EXOC5: variants seen among roughly 807,000 people sequenced by gnomAD.
The protein encoded by EXOC5 is exocyst complex component 5.
EXOC5 carries 17 observed loss-of-function variants against 90.8 expected under a neutral mutation model. The observed-to-expected ratio is 0.19, with a 90% CI of 0.13 to 0.28. The LOEUF (loss-of-function observed/expected upper bound fraction) is 0.28. EXOC5 is among the 10% of genes least tolerant of loss of function. EXOC5 has a pLI of 1.00. For synonymous variants in EXOC5, 260 were observed against 270.0 expected (o/e 0.96, Z 0.36); for missense variants, 569 against 830.6 (o/e 0.69, Z 3.87).
At chr14:57,211,361 T>C (rs1383266415) in intron 15 of EXOC5, among the ~76,000 whole-genome samples, 1 of 152,180 alleles carries the variant, frequency 6.6e-6, no homozygotes, top group East Asian at 1.9e-4. Flanking sequence ...ACTCTAAATG[T>C]ATTATTTTTT....
At chr14:57,211,250 A>AC in intron 15 of EXOC5, among the ~76,000 whole-genome samples, 1 of 152,180 alleles carries the variant, frequency 6.6e-6, no homozygotes, top group East Asian at 1.9e-4. Flanking sequence ...TTGATTTGGA[A>AC]CCATTTTGGC....
intron 1 of EXOC5, among the ~76,000 whole-genome samples, chr14:57,251,237 G>T (rs1041062610): frequency 6.6e-6 from 1 of 152,234 alleles, no homozygotes; most frequent in African/African-American, 2.4e-5. Context: ...AAAATTCCTG[G>T]AACAACCTGC....
chr14:57,238,412 ATT>A (rs1397761273), intron 5 of EXOC5, among the ~76,000 whole-genome samples: 12 of 140,834 alleles, frequency 8.5e-5, no homozygotes, highest in African/African-American at 1.9e-4. Context: ...ACACACACAT[ATT>A]CATATTCATA....
At chr14:57,231,906 G>C (rs577240649) in intron 10 of EXOC5, 191 bp from the exon 11 acceptor site, 5 of 482,936 alleles carry the variant, frequency 1.0e-5, no homozygotes, top group African/African-American at 2.0e-5. Flanking sequence ...GAAATATTAC[G>C]AACAACTTTA....
At chr14:57,211,951 C>A (rs1013058299) in intron 15 of EXOC5, among the ~76,000 whole-genome samples, 12 of 152,188 alleles carry the variant, frequency 7.9e-5, no homozygotes, top group Non-Finnish European at 1.5e-5. Context: ...CCTGGACCTA[C>A]CAGGCTCAAG....
intron 1 of EXOC5, among the ~76,000 whole-genome samples, chr14:57,259,929 G>C (rs1884451257): frequency 1.3e-5 from 2 of 152,098 alleles, no homozygotes; most frequent in South Asian, 4.1e-4. Context: ...CCCCTGCAGA[G>C]GGTCTTGAAA....
chr14:57,237,378 A>G lies in EXOC5; in HGVS notation c.531-12T>C. 1 of 1,521,574 alleles carries G rather than the reference A, an allele frequency of 6.6e-7. No homozygotes were observed. The highest frequency in any genetic ancestry group is 8.9e-7 in the Non-Finnish European group (1 of 1,120,504). 94.3% of individuals were successfully genotyped at this position (1,521,574 alleles called of 1,614,324 possible). ...TAACTTCTGAAAATCTGAAAGACAA[A>G]AACCAACCATGAGGTTTGTTAGTTG... On this transcript the variant is annotated splice_polypyrimidine_tract_variant and intron_variant, in intron 5 of 17. Coordinates refer to ENST00000621441, the MANE Select transcript of EXOC5 (RefSeq NM_006544.4).
intron 1 of EXOC5, among the ~76,000 whole-genome samples, chr14:57,258,393 T>C (rs764767040): frequency 4.3e-4 from 66 of 152,322 alleles, no homozygotes; most frequent in Middle Eastern, 3.4e-3. Context: ...TCATATCCAC[T>C]GCAGGGACAT....
chr14:57,265,519 T>G (rs776622435), intron 1 of EXOC5, among the ~76,000 whole-genome samples: 20 of 152,006 alleles, frequency 1.3e-4, no homozygotes, highest in Non-Finnish European at 2.8e-4. Flanking sequence ...GCCCAGGAGA[T>G]CAAGACCAGC....
chr14:57,261,274 A>T (rs1262548541), intron 1 of EXOC5, among the ~76,000 whole-genome samples: 1 of 152,184 alleles, frequency 6.6e-6, no homozygotes, highest in Admixed American at 6.5e-5. Context: ...AATCTCTCTC[A>T]CACATGTGGG....
rs1882733017 is a variant in EXOC5 at position 57,208,669 on chromosome 14, G to C, written c.2067C>G (p.His689Gln). Residue 689 changes from histidine to glutamine, a missense_variant, in exon 18 of 18, where the codon CAC (histidine) becomes CAG (glutamine). Transcript: ENST00000621441. ...AATCAGCACGAAGTTGTACGAAGGA[G>C]TGAAGTATATTCTTGTCCAGATTAG... Reference protein sequence around the residue: ...QLANLDKNILHSFVQLRADYR... With the variant: ...QLANLDKNILQSFVQLRADYR... 1.2e-6 allele frequency: 2 copies of C among 1,612,046 alleles called. No homozygotes were observed. Among genetic ancestry groups the C allele is most frequent in the Non-Finnish European group, 1.7e-6 (2 of 1,179,220 alleles).
In EXOC5 at chr14:57,233,949, G is replaced by A. The variant is rs546847904; in HGVS notation, c.714+39C>T. The A allele has an allele frequency of 1.5e-5, 24 of 1,588,882 alleles. No homozygotes were observed. In the South Asian group the frequency reaches 1.8e-4, roughly 12 times the overall value. ...CTACATGATTTTAAAACAACAATTA[G>A]CATAAAATAATATCCAACAAAGTGT... On this transcript the variant is annotated intron_variant, in intron 8 of 17. Transcript: ENST00000621441.
intron 17 of EXOC5, 49 bp downstream of exon 17, chr14:57,209,518 T>C (rs755632298): frequency 2.0e-6 from 2 of 1,008,422 alleles, no homozygotes; most frequent in East Asian, 2.4e-5. Flanking sequence ...ATAATCTGAC[T>C]TATGCTCCTG....
intron 4 of EXOC5, among the ~76,000 whole-genome samples, chr14:57,241,761 C>T (rs1046291760): frequency 6.6e-6 from 1 of 151,968 alleles, no homozygotes; most frequent in Non-Finnish European, 1.5e-5. Flanking sequence ...GAGAGACTAC[C>T]CTTGCTAATA....
In EXOC5 at chr14:57,230,444, CAA is replaced by C. The variant is rs1491151364; in HGVS notation, c.1149-565_1149-564del. On this transcript the variant is annotated intron_variant, in intron 11 of 17. Transcript: ENST00000621441. ...CCGTAAACACACACACACACACACACAAACACACACACAAATTCCTATTATTC... is the reference window on the plus strand; with the variant it reads ...CCGTAAACACACACACACACACACACACACACACACAAATTCCTATTATTC... Among the ~76,000 whole-genome samples, 1,455 of 146,908 alleles carry C rather than the reference CAA, an allele frequency of 9.9e-3. 27 individuals are homozygous for C. Among genetic ancestry groups the C allele is most frequent in the African/African-American group, 0.037 (1,347 of 36,692 alleles).
Position 57,229,597 on chromosome 14 carries a change from T to A in EXOC5, c.1296+137A>T, listed in dbSNP as rs904530411. On this transcript the variant is annotated intron_variant, in intron 12 of 17. Transcript: ENST00000621441. The stretch of plus-strand genomic sequence containing the variant: ...AGTATAAATGAGGATGTGCATAGAA[T>A]ATATGCAAATACTACACACTTTATA... 3 of 425,494 alleles carry A rather than the reference T, an allele frequency of 7.1e-6. No individual in the cohort carries two copies. The East Asian group carries it at 1.0e-4, about 15-fold the overall frequency. The allele number at this position is 425,494 out of a possible 1,614,324, so 26.4% of individuals were successfully genotyped here.
At chr14:57,232,875 A>C in intron 9 of EXOC5, 126 bp from the exon 10 acceptor site, 1 of 529,488 alleles carries the variant, frequency 1.9e-6, no homozygotes, top group Non-Finnish European at 3.4e-6. Flanking sequence ...CCAATCAAAA[A>C]GGCAATTACA....
chr14:57,248,979 A>G (rs2139656600), intron 1 of EXOC5, among the ~76,000 whole-genome samples: 1 of 152,258 alleles, frequency 6.6e-6, no homozygotes, highest in African/African-American at 2.4e-5. Flanking sequence ...TTGACTCAAG[A>G]TGAACTTATA....
intron 12 of EXOC5, among the ~76,000 whole-genome samples, chr14:57,227,943 T>TATACAC (rs1555368463): frequency 1.1e-4 from 13 of 123,622 alleles, no homozygotes; most frequent in Non-Finnish European, 1.1e-4. Flanking sequence ...TACATATATA[T>TATACAC]ATACACACAC....
Sources: gnomAD v4.1 joint callset for allele counts (sites outside exome capture counted in the v4.1 genomes callset) on GRCh38, gnomAD v4.1.1 for gene constraint, MANE v1.5 for transcripts, NCBI Gene and HGNC (gene_info 2026-07-23, HGNC 2026-07-21) for gene names.